The following MAP2K4 variants were observed in gnomAD, a reference collection of about 807,000 sequenced individuals.
MAP2K4 encodes the protein dual specificity mitogen-activated protein kinase kinase 4.
A neutral mutation model predicts 48.5 loss-of-function variants in MAP2K4; 4 were observed. That is an observed-to-expected ratio of 0.08 (90% CI 0.04 to 0.19). The LOEUF is 0.19. Among genes scored for constraint, MAP2K4 ranks in the 10% least tolerant of loss-of-function variants. The pLI is 1.00. For synonymous variants in MAP2K4, 166 were observed against 173.1 expected, an observed-to-expected ratio of 0.96 and a Z score of 0.32; for missense variants, 258 against 493.3, an observed-to-expected ratio of 0.52 and a Z score of 4.52.
chr17:12,110,462 A>T (rs1972266701), intron 6 of MAP2K4, 36 bp downstream of exon 6: 1 of 1,430,392 alleles, frequency 7.0e-7, no homozygotes, highest in Non-Finnish European at 9.8e-7. Flanking sequence ...AATAGAAATT[A>T]ACTTTTTTCT....
At chr17:12,101,996 T>A (rs181897319) in intron 4 of MAP2K4, among the ~76,000 whole-genome samples, 1 of 152,246 alleles carries the variant, frequency 6.6e-6, no homozygotes, top group African/African-American at 2.4e-5. Context: ...CTTTATTTAT[T>A]TTTGTCTTGC....
At chr17:12,140,731 A>C (rs1192830947) in intron 10 of MAP2K4, among the ~76,000 whole-genome samples, 1 of 152,130 alleles carries the variant, frequency 6.6e-6, no homozygotes, top group Non-Finnish European at 1.5e-5. Flanking sequence ...ATATAGGAGA[A>C]ATGGAGGTTG....
At chr17:12,050,216 G>C (rs1970094843) in intron 1 of MAP2K4, among the ~76,000 whole-genome samples, 2 of 152,186 alleles carry the variant, frequency 1.3e-5, no homozygotes, top group Admixed American at 1.3e-4. Context: ...ATGGCGGCAG[G>C]GGGCAGGGGG....
At chr17:12,110,323 T>A in intron 5 of MAP2K4, 52 bp from the exon 6 acceptor site, 1 of 1,262,618 alleles carries the variant, frequency 7.9e-7, no homozygotes, top group Non-Finnish European at 1.2e-6. Context: ...TGTTGTGCTG[T>A]TTGAATAAAA....
At position 12,034,041 on chromosome 17, in the gene MAP2K4, G is replaced by C. The variant is rs566504529; in HGVS notation, c.115+13040G>C. On this transcript the variant is annotated intron_variant, in intron 1 of 10. Coordinates refer to ENST00000353533, the MANE Select transcript of MAP2K4 (RefSeq NM_003010.4). ...CCTGGCTTTAAGCAGTCCCACTTCA[G>C]CCTCCCAGAGTGCTGAGATTACAGG... Among the ~76,000 whole-genome samples, 46 of 152,260 alleles carry C rather than the reference G, an allele frequency of 3.0e-4. 1 individual carries two copies. The highest frequency in any genetic ancestry group is 1.1e-3 in the African/African-American group (44 of 41,554).
intron 2 of MAP2K4, 75 bp downstream of exon 2, chr17:12,055,066 A>G (rs183844154): frequency 2.8e-5 from 24 of 853,752 alleles, no homozygotes; most frequent in East Asian, 7.9e-5. Context: ...AATTTTTCCA[A>G]TTATGAGATG....
chr17:12,035,272 C>A (rs1013054150), intron 1 of MAP2K4, among the ~76,000 whole-genome samples: 5 of 152,258 alleles, frequency 3.3e-5, no homozygotes, highest in Admixed American at 3.3e-4. Context: ...AATCCCAGCA[C>A]TTCGGGAGGC....
chr17:12,021,648 A>G (rs1969063961), intron 1 of MAP2K4: 1 of 147,546 alleles, frequency 6.8e-6, no homozygotes, highest in Non-Finnish European at 1.5e-5. Context: ...GGCCTGTGCC[A>G]CCTGTAAGGT....
chr17:12,107,687 TAAGC>T (rs1351358894), intron 4 of MAP2K4, 99 bp from the exon 5 acceptor site: 12 of 984,514 alleles, frequency 1.2e-5, no homozygotes, highest in Admixed American at 2.7e-5. Context: ...ACATTTGAAA[TAAGC>T]AAGAATAAGA....
At chr17:12,042,913 G>A (rs1281315254) in intron 1 of MAP2K4, among the ~76,000 whole-genome samples, 1 of 151,832 alleles carries the variant, frequency 6.6e-6, no homozygotes, top group East Asian at 1.9e-4. Context: ...CGGGCGTAGT[G>A]GCGGGGGCCT....
chr17:12,095,893 GTT>G (rs1491202375), intron 4 of MAP2K4, among the ~76,000 whole-genome samples, 199 bp downstream of exon 4: 97 of 116,808 alleles, frequency 8.3e-4, no homozygotes, highest in African/African-American at 2.4e-3. Context: ...TCACACGTGT[GTT>G]TGTGTGTGTG....
intron 2 of MAP2K4, among the ~76,000 whole-genome samples, chr17:12,076,084 A>G (rs1184994854): frequency 6.6e-6 from 1 of 152,118 alleles, no homozygotes; most frequent in Non-Finnish European, 1.5e-5. Context: ...CATCTAATAG[A>G]GGGTGGGAGT....
intron 4 of MAP2K4, among the ~76,000 whole-genome samples, chr17:12,099,076 A>G (rs1011787088): frequency 2.0e-5 from 3 of 151,900 alleles, no homozygotes; most frequent in African/African-American, 2.4e-5. Flanking sequence ...TGTGTCTCCA[A>G]GGTCTCCAGT....
At position 12,081,627 on chromosome 17, in the gene MAP2K4, A is replaced by G; in HGVS notation, c.393+97A>G. ...GTTGTTGTGTTCCTACTTTTGTGGTAAATGTGGGTGTTTAAAAAATTGTTT... is the reference window on the plus strand; with the variant it reads ...GTTGTTGTGTTCCTACTTTTGTGGTGAATGTGGGTGTTTAAAAAATTGTTT... On this transcript the variant is annotated intron_variant, in intron 3 of 10. Coordinates refer to ENST00000353533, the MANE Select transcript of MAP2K4 (RefSeq NM_003010.4). This position sits in a 1 kb window ranked among gnomAD's most constrained non-coding sequence, Gnocchi z 4.2. 1 of 1,268,374 alleles carries G rather than the reference A, an allele frequency of 7.9e-7. No individual in the cohort carries two copies. Among genetic ancestry groups the G allele is most frequent in the East Asian group, 2.5e-5 (1 of 40,572 alleles). The allele number at this position is 1,268,374 out of a possible 1,614,324, so 78.6% of individuals were successfully genotyped here. A position where few individuals can be genotyped will look rare whatever the true frequency, so the allele number is the denominator to read the frequency against.
chr17:12,066,090 T>C (rs1478249104), intron 2 of MAP2K4, among the ~76,000 whole-genome samples: 7 of 152,064 alleles, frequency 4.6e-5, no homozygotes, highest in African/African-American at 1.7e-4. Flanking sequence ...AGGGGATGTG[T>C]TTTTAGTGTG....
chr17:12,054,174 T>C (rs1000656562), intron 1 of MAP2K4, among the ~76,000 whole-genome samples: 3 of 152,218 alleles, frequency 2.0e-5, no homozygotes, highest in African/African-American at 7.2e-5. Context: ...AAGTCTGCAG[T>C]AGTTAGTAAA....
intron 8 of MAP2K4, among the ~76,000 whole-genome samples, chr17:12,126,905 G>C (rs1972872287): frequency 6.6e-6 from 1 of 152,136 alleles, no homozygotes; most frequent in Non-Finnish European, 1.5e-5. Context: ...CTGTCCTGTA[G>C]GTAGGCAGGC....
intron 9 of MAP2K4, among the ~76,000 whole-genome samples, chr17:12,137,927 A>G (rs1373427227): frequency 6.6e-6 from 1 of 152,192 alleles, no homozygotes; most frequent in Non-Finnish European, 1.5e-5. Context: ...CTTTAAATTT[A>G]TACCTTTGTT....
intron 9 of MAP2K4, among the ~76,000 whole-genome samples, chr17:12,130,645 T>A (rs933980120): frequency 6.6e-6 from 1 of 152,238 alleles, no homozygotes; most frequent in African/African-American, 2.4e-5. Flanking sequence ...GACATTGGAG[T>A]CCCATTGTTT....
Sources: gnomAD v4.1 joint callset for allele counts (sites outside exome capture counted in the v4.1 genomes callset) on GRCh38, gnomAD v4.1.1 for gene constraint, Gnocchi (gnomAD v3.1) non-coding constraint, MANE v1.5 for transcripts, NCBI Gene and HGNC (gene_info 2026-07-23, HGNC 2026-07-21) for gene names.